Variants in LHFPL3 observed in about 807,000 individuals in gnomAD.
LHFPL3 encodes the protein LHFPL tetraspan subfamily member 3 protein.
LHFPL3 carries 5 observed loss-of-function variants against 19.3 expected under a neutral mutation model. The ratio of observed to expected loss-of-function variants is 0.26; its 90% CI spans 0.14 to 0.54. The LOEUF is 0.54. Among genes scored for constraint, LHFPL3 ranks in the 20% least tolerant of loss-of-function variants. LHFPL3 has a pLI of 0.94. For missense variants in LHFPL3, 249 were observed against 307.4 expected (o/e 0.81, Z 1.42); for synonymous variants, 133 against 126.2 (o/e 1.05, Z -0.36).
At chr7:104,459,955 C>T (rs542416634) in intron 1 of LHFPL3, among the ~76,000 whole-genome samples, 1 of 152,112 alleles carries the variant, frequency 6.6e-6, no homozygotes, top group African/African-American at 2.4e-5. Flanking sequence ...CTTCATCACC[C>T]AGGTGCTAAG....
intron 1 of LHFPL3, among the ~76,000 whole-genome samples, chr7:104,655,072 T>C (rs1428591349): frequency 6.6e-6 from 1 of 152,208 alleles, no homozygotes; most frequent in African/African-American, 2.4e-5. Context: ...TCCTAAGCAA[T>C]GACAATCGTT....
chr7:104,622,085 A>G (rs1306926651), intron 1 of LHFPL3, among the ~76,000 whole-genome samples: 1 of 152,154 alleles, frequency 6.6e-6, no homozygotes, highest in Non-Finnish European at 1.5e-5. Flanking sequence ...GGCTGCAACA[A>G]TATCCCCCCA....
chr7:104,565,818 C>T (rs1376162094), intron 1 of LHFPL3, among the ~76,000 whole-genome samples: 1 of 151,894 alleles, frequency 6.6e-6, no homozygotes, highest in African/African-American at 2.4e-5. Flanking sequence ...CACAATTTTG[C>T]CATATGACCT....
chr7:104,522,408 G>A, intron 1 of LHFPL3, among the ~76,000 whole-genome samples: 1 of 71,620 alleles, frequency 1.4e-5, no homozygotes, highest in Non-Finnish European at 2.8e-5. Context: ...GAGGGGGGAG[G>A]GATGGATTGG....
chr7:104,422,506 T>C (rs1056284486), intron 1 of LHFPL3, among the ~76,000 whole-genome samples: 6 of 152,230 alleles, frequency 3.9e-5, no homozygotes, highest in East Asian at 1.9e-4. Context: ...CAAAATAAAT[T>C]AAGCCAAGCT....
intron 1 of LHFPL3, among the ~76,000 whole-genome samples, chr7:104,613,590 C>T (rs181887697): frequency 6.6e-5 from 10 of 152,160 alleles, no homozygotes; most frequent in Non-Finnish European, 1.2e-4. Context: ...AACCTAATTC[C>T]GCAACACCAA....
At chr7:104,491,859 C>T (rs577762865) in intron 1 of LHFPL3, among the ~76,000 whole-genome samples, 70 of 152,280 alleles carry the variant, frequency 4.6e-4, no homozygotes, top group Non-Finnish European at 9.1e-4. Context: ...AAATGACCAA[C>T]ACAGAACACA....
intron 1 of LHFPL3, among the ~76,000 whole-genome samples, chr7:104,593,111 G>T (rs552328463): frequency 6.6e-6 from 1 of 152,104 alleles, no homozygotes; most frequent in Non-Finnish European, 1.5e-5. Flanking sequence ...TGCTTCTCTA[G>T]TTGTTTTAAT....
At chr7:104,341,991 C>T (rs930801858) in intron 1 of LHFPL3, among the ~76,000 whole-genome samples, 4 of 152,214 alleles carry the variant, frequency 2.6e-5, no homozygotes, top group Admixed American at 6.5e-5. Flanking sequence ...ATTTCTGCAG[C>T]CCCTTGCCTT....
chr7:104,470,916 C>G (rs1584342974), intron 1 of LHFPL3, among the ~76,000 whole-genome samples: 1 of 152,268 alleles, frequency 6.6e-6, no homozygotes, highest in Non-Finnish European at 1.5e-5. Context: ...CATATCACAT[C>G]CAGGAGAATG....
At chr7:104,442,139 CTGA>C (rs1792237918) in intron 1 of LHFPL3, among the ~76,000 whole-genome samples, 1 of 151,210 alleles carries the variant, frequency 6.6e-6, no homozygotes, top group Admixed American at 6.6e-5. Context: ...TTGCATTTCT[CTGA>C]TGATTAGGGA....
intron 1 of LHFPL3, among the ~76,000 whole-genome samples, chr7:104,483,649 A>G (rs1051822003): frequency 3.9e-5 from 6 of 152,028 alleles, no homozygotes; most frequent in Non-Finnish European, 7.4e-5. Flanking sequence ...ACAGGGTCTC[A>G]CTCTCACTGT....
chr7:104,678,499 G>A (rs780960622), intron 1 of LHFPL3, among the ~76,000 whole-genome samples: 10 of 152,124 alleles, frequency 6.6e-5, no homozygotes, highest in African/African-American at 9.7e-5. Context: ...TGTTTTAAAA[G>A]CTATTTTTTT....
At chr7:104,670,643 ACTC>A (rs772984643) in intron 1 of LHFPL3, among the ~76,000 whole-genome samples, 1 of 152,024 alleles carries the variant, frequency 6.6e-6, no homozygotes, top group Non-Finnish European at 1.5e-5. Flanking sequence ...TCTGGTTCTC[ACTC>A]CTTGCCTGCT....
chr7:104,497,366 T>C (rs1341598537), intron 1 of LHFPL3, among the ~76,000 whole-genome samples: 2 of 150,310 alleles, frequency 1.3e-5, no homozygotes, highest in Non-Finnish European at 3.0e-5. Context: ...AAGTAAAGTT[T>C]TCTTTTGAAC....
chr7:104,347,703 C>T (rs1017298728), intron 1 of LHFPL3, among the ~76,000 whole-genome samples: 4 of 152,096 alleles, frequency 2.6e-5, no homozygotes, highest in Non-Finnish European at 5.9e-5. Flanking sequence ...ACCAGCCTGG[C>T]CAACATGGCG....
chr7:104,511,944 CTTT>C (rs58712044), intron 1 of LHFPL3, among the ~76,000 whole-genome samples: 39 of 111,968 alleles, frequency 3.5e-4, no homozygotes, highest in African/African-American at 1.3e-3. Context: ...CTTTCCTTTT[CTTT>C]TTTTTTTTTT....
intron 1 of LHFPL3, among the ~76,000 whole-genome samples, chr7:104,522,317 C>A (rs1375740593): frequency 7.0e-6 from 1 of 143,600 alleles, no homozygotes; most frequent in Non-Finnish European, 1.5e-5. Flanking sequence ...TATTCTCACT[C>A]ATAGGTGGGA....
intron 1 of LHFPL3, among the ~76,000 whole-genome samples, chr7:104,458,369 G>T (rs1054591642): frequency 6.6e-6 from 1 of 152,186 alleles, no homozygotes; most frequent in Admixed American, 6.5e-5. Context: ...TTATTAAATA[G>T]GGAATCCTTT....
Sources: gnomAD v4.1 joint callset for allele counts (sites outside exome capture counted in the v4.1 genomes callset) on GRCh38, gnomAD v4.1.1 for gene constraint, MANE v1.5 for transcripts, NCBI Gene and HGNC (gene_info 2026-07-23, HGNC 2026-07-21) for gene names.